The following ADPRHL1 variants were observed in gnomAD, a reference collection of about 807,000 sequenced individuals.
The protein encoded by ADPRHL1 is inactive ADP-ribosyltransferase ARH2.
In ADPRHL1, 43 loss-of-function variants were observed where a neutral mutation model predicts 44.1. The observed-to-expected ratio is 0.98, with a 90% CI of 0.76 to 1.26. ADPRHL1 has a LOEUF of 1.26. ADPRHL1 is among the 50% of genes most tolerant of loss of function. The probability of loss-of-function intolerance (pLI) is 0.00; values close to 1 mark genes in which losing one functional copy is unlikely to be tolerated. For synonymous variants in ADPRHL1, 878 were observed against 1,017.4 expected, an observed-to-expected ratio of 0.86 and a Z score of 2.61; for missense variants, 2,022 against 2,496.9, an observed-to-expected ratio of 0.81 and a Z score of 4.05.
chr13:113,429,535 G>T (rs191396538), intron 3 of ADPRHL1, among the ~76,000 whole-genome samples: 52 of 152,376 alleles, frequency 3.4e-4, no homozygotes, highest in Non-Finnish European at 1.0e-4. Flanking sequence ...GTGCGTGGAC[G>T]AACGCATTTT....
chr13:113,431,319 C>T (rs564179007), intron 3 of ADPRHL1, among the ~76,000 whole-genome samples: 8 of 152,368 alleles, frequency 5.3e-5, no homozygotes, highest in African/African-American at 1.7e-4. Context: ...CCGTGACACG[C>T]CATGCGGAGA....
rs752427501 is a variant in ADPRHL1, at chr13:113,433,879, AG to A, written c.380-13del. On this transcript the variant is annotated splice_polypyrimidine_tract_variant and intron_variant, in intron 2 of 7. Transcript: ENST00000612156. The stretch of plus-strand genomic sequence containing the variant: ...TCCAAACCCTGAGCCTGTGTGGAGA[AG>A]GAAGAGCTAGTTTAGACTTCTGCTC... 5.1e-5 allele frequency: 78 copies of A among 1,532,680 alleles called. 2 individuals carry two copies. The South Asian group carries it at 8.7e-4, about 17-fold the overall frequency. The allele number at this position is 1,532,680 out of a possible 1,614,324, so 94.9% of individuals were successfully genotyped here.
intron 6 of ADPRHL1, among the ~76,000 whole-genome samples, chr13:113,423,531 T>G (rs537666196): frequency 6.6e-6 from 1 of 152,222 alleles, no homozygotes; most frequent in Admixed American, 6.5e-5. Context: ...TCCCAGCTCA[T>G]GTCTGTGGTC....
At position 113,405,791 on chromosome 13, in the gene ADPRHL1, G is replaced by A; in HGVS notation, c.3491C>T (p.Ala1164Val). Residue 1164 changes from alanine to valine, a missense_variant, in exon 8 of 8, where the codon GCT (alanine) becomes GTT (valine). Physicochemically the swap from Ala to Val is moderately conservative, Grantham distance 64. Coordinates refer to ENST00000612156, the MANE Select transcript of ADPRHL1 (RefSeq NM_001394807.1). The stretch of plus-strand genomic sequence containing the variant: ...GTGGCTGTGAGGGTCTCGAGGGAGA[G>A]CCTCTCCTCTGGGGTGGCTTTCGGA... ...ALSESHPRGE[A>V]LPRDPHSHGL... is the part of the protein sequence containing the mutation. The A allele has an allele frequency of 6.5e-6, 8 of 1,231,824 alleles. No individual in the cohort carries two copies. The highest frequency in any genetic ancestry group is 6.1e-6 in the Non-Finnish European group (6 of 988,026). The allele number at this position is 1,231,824 out of a possible 1,614,324, so 76.3% of individuals were successfully genotyped here. A position where few individuals can be genotyped will look rare whatever the true frequency, so the allele number is the denominator to read the frequency against.
intron 2 of ADPRHL1, among the ~76,000 whole-genome samples, chr13:113,434,714 G>A (rs35916098): frequency 1.1e-3 from 137 of 123,534 alleles, no homozygotes; most frequent in Middle Eastern, 5.4e-3. Flanking sequence ...GGTGTACCCC[G>A]GGACCCGGCA....
At position 113,422,975 on chromosome 13, in the gene ADPRHL1, C is replaced by A. The variant is rs1252297396; in HGVS notation, c.912G>T (p.Glu304Asp). 3 of 1,612,668 alleles carry A rather than the reference C, an allele frequency of 1.9e-6. No individual in the cohort carries two copies. The highest frequency in any genetic ancestry group is 2.5e-6 in the Non-Finnish European group (3 of 1,179,966). ...CTGCAATGGTGCCCGTGGCCGCGCT[C>A]TCCCCTGAAACGCAAAGGCAGCAGT... Reference protein sequence around the residue: ...LCHRAMFHGGESAATGTIAGC... With the variant: ...LCHRAMFHGGDSAATGTIAGC... Residue 304 changes from glutamate (E) to aspartate (D), a missense_variant, in exon 7 of 8, where the codon GAG becomes GAT. Physicochemically the swap from Glu to Asp is conservative, Grantham distance 45. Transcript: ENST00000612156.
intron 2 of ADPRHL1, among the ~76,000 whole-genome samples, chr13:113,435,379 G>C (rs1216168083): frequency 3.6e-5 from 5 of 139,620 alleles, no homozygotes; most frequent in Non-Finnish European, 7.6e-5. Context: ...GAACATAGGT[G>C]TACCCCAGGA....
chr13:113,409,582 C>G lies in ADPRHL1; in HGVS notation c.1062-1362G>C, dbSNP rs1009219882. 7.4e-5 allele frequency: 73 copies of G among 985,248 alleles called. No homozygotes were observed. The highest frequency in any genetic ancestry group is 5.2e-4 in the Middle Eastern group (1 of 1,936). 61.0% of individuals were successfully genotyped at this position (985,248 alleles called of 1,614,324 possible). ...GCCAAGTGAAAAGCTCACTCTAACCCGATTGTTTTTAAGAAGCTGAGGCCG... is the reference window on the plus strand; with the variant it reads ...GCCAAGTGAAAAGCTCACTCTAACCGGATTGTTTTTAAGAAGCTGAGGCCG... On this transcript the variant is annotated intron_variant, in intron 7 of 7. Transcript: ENST00000612156. This position sits in a 1 kb window ranked among gnomAD's most constrained non-coding sequence, Gnocchi z 4.2.
chr13:113,438,195 A>C (rs887112745), intron 2 of ADPRHL1, among the ~76,000 whole-genome samples: 1 of 152,150 alleles, frequency 6.6e-6, no homozygotes, highest in Non-Finnish European at 1.5e-5. Context: ...GAACCATTTG[A>C]TGTCCCTCCA....
intron 4 of ADPRHL1, among the ~76,000 whole-genome samples, chr13:113,427,679 C>CAA (rs2043976999): frequency 6.6e-6 from 1 of 152,212 alleles, no homozygotes; most frequent in Non-Finnish European, 1.5e-5. Context: ...CCACTGGAAA[C>CAA]AAAGTGTGCT....
chr13:113,433,591 C>G (rs1471161860), intron 3 of ADPRHL1, 151 bp downstream of exon 3: 7 of 1,347,512 alleles, frequency 5.2e-6, no homozygotes, highest in Non-Finnish European at 5.9e-6. Context: ...CCGGCAGGTG[C>G]AGGGTCAGCT....
rs1555324220 is a variant in ADPRHL1, at chr13:113,400,238, C to CG, written c.*3139dup. ...TCGGCTCACTGCAAGCTCCACCTCC[C>CG]GGGTTCACGCCATTCTCCTGTCTCA... On this transcript the variant is annotated 3_prime_UTR_variant, in exon 8 of 8. Transcript: ENST00000612156. The CG allele has an allele frequency of 1.3e-5, 2 of 149,326 alleles. No individual in the cohort carries two copies. 9.3% of individuals were successfully genotyped at this position (149,326 alleles called of 1,614,324 possible). A position where few individuals can be genotyped will look rare whatever the true frequency, so the allele number is the denominator to read the frequency against.
chr13:113,444,289 C>T (rs1439721965), intron 2 of ADPRHL1, 136 bp downstream of exon 2: 17 of 1,272,118 alleles, frequency 1.3e-5, no homozygotes, highest in African/African-American at 3.0e-5. Context: ...GGCCCCCACC[C>T]GACAAAGGGA....
chr13:113,412,738 T>A (rs58814085), intron 7 of ADPRHL1, among the ~76,000 whole-genome samples: 1 of 106,686 alleles, frequency 9.4e-6, no homozygotes, highest in African/African-American at 3.6e-5. Flanking sequence ...CCGCCAACAG[T>A]GCCCCGCGGA....
chr13:113,409,611 G>A lies in ADPRHL1; in HGVS notation c.1062-1391C>T, dbSNP rs988054604. 26 of 985,282 alleles carry A rather than the reference G, an allele frequency of 2.6e-5. No homozygotes were observed. In the African/African-American group the frequency reaches 2.8e-4, roughly 11 times the overall value. The allele number at this position is 985,282 out of a possible 1,614,324, so 61.0% of individuals were successfully genotyped here. On this transcript the variant is annotated intron_variant, in intron 7 of 7. Coordinates refer to ENST00000612156, the MANE Select transcript of ADPRHL1 (RefSeq NM_001394807.1). This position sits in a 1 kb window ranked among gnomAD's most constrained non-coding sequence, Gnocchi z 4.2. ...TGTTTTTAAGAAGCTGAGGCCGGGC[G>A]CCGTGGCTCACGCCTGTAATCTCAG...
At chr13:113,446,199 C>T (rs1463385955) in intron 1 of ADPRHL1, among the ~76,000 whole-genome samples, 1 of 140,714 alleles carries the variant, frequency 7.1e-6, no homozygotes, top group East Asian at 2.4e-4. Flanking sequence ...CAAGCAGGGC[C>T]CCTTGGCTGT....
intron 7 of ADPRHL1, among the ~76,000 whole-genome samples, chr13:113,410,901 T>C (rs1199635269): frequency 6.6e-6 from 1 of 152,222 alleles, no homozygotes; most frequent in African/African-American, 2.4e-5. Flanking sequence ...CTGCTATGAC[T>C]TGGCGGCCCG....
Position 113,403,387 on chromosome 13 carries a change from G to C in ADPRHL1, c.5895C>G (p.Leu1965=). The change falls in exon 8 of 8, where the codon CTC becomes CTG. Residue 1965 remains leucine (L), a synonymous_variant. Transcript: ENST00000612156. The part of the protein sequence containing the change: ...MSVRASDTSE[L]PK ...GTGTGTACTCGGGGCCTCACTTTGG[G>C]AGCTCAGACGTGTCGCTGGCCCTGA... is the stretch of plus-strand genomic sequence containing the variant. 3.2e-6 allele frequency: 4 copies of C among 1,232,098 alleles called. No homozygotes were observed. Among genetic ancestry groups the C allele is most frequent in the Non-Finnish European group, 3.0e-6 (3 of 987,978 alleles). The allele number at this position is 1,232,098 out of a possible 1,614,324, so 76.3% of individuals were successfully genotyped here.
rs1469426227 is a variant in ADPRHL1, at chr13:113,441,924, C to T, written c.379+2501G>A. Among the ~76,000 whole-genome samples, 1 of 152,208 alleles carries T rather than the reference C, an allele frequency of 6.6e-6. No homozygotes were observed. The highest frequency in any genetic ancestry group is 2.1e-4 in the South Asian group (1 of 4,824). On this transcript the variant is annotated intron_variant, in intron 2 of 7. Coordinates refer to ENST00000612156, the MANE Select transcript of ADPRHL1 (RefSeq NM_001394807.1). The surrounding 1 kb of genome is among the most constrained non-coding windows in gnomAD (Gnocchi z 6.0). Reference sequence around the variant, plus strand: ...GTGTCTCTATCACGCTTTACTCCACCGTGCTGGTCCGTGTCTCTGTCACGT... The same window carrying T: ...GTGTCTCTATCACGCTTTACTCCACTGTGCTGGTCCGTGTCTCTGTCACGT...
Sources: gnomAD v4.1 joint callset for allele counts (sites outside exome capture counted in the v4.1 genomes callset) on GRCh38, gnomAD v4.1.1 for gene constraint, Gnocchi (gnomAD v3.1) non-coding constraint, MANE v1.5 for transcripts, NCBI Gene and HGNC (gene_info 2026-07-23, HGNC 2026-07-21) for gene names.